SLC12A5: variants seen among roughly 807,000 people sequenced by gnomAD.
SLC12A5 encodes the protein solute carrier family 12 member 5.
SLC12A5 carries 18 observed loss-of-function variants against 124.0 expected under a neutral mutation model. The ratio of observed to expected loss-of-function variants is 0.15; its 90% CI spans 0.10 to 0.22. The LOEUF is 0.22. SLC12A5 is among the 10% of genes least tolerant of loss of function. SLC12A5 has a pLI of 1.00. For missense variants in SLC12A5, 867 were observed against 1,478.7 expected (o/e 0.59, Z 6.78); for synonymous variants, 589 against 568.0 (o/e 1.04, Z -0.53).
intron 15 of SLC12A5, 131 bp downstream of exon 15, chr20:46,047,704 G>A (rs2084608570): frequency 1.8e-5 from 22 of 1,202,922 alleles, no homozygotes; most frequent in Non-Finnish European, 2.6e-5. Context: ...GATGGGGCTG[G>A]AGTAGAGGGA....
upstream of SLC12A5, chr20:46,021,830 A>C (rs2084357360): frequency 3.9e-6 from 6 of 1,534,022 alleles, no homozygotes; most frequent in East Asian, 1.5e-4. Flanking sequence ...CCTGACCCAG[A>C]GTCCCGCCGG....
intron 20 of SLC12A5, among the ~76,000 whole-genome samples, chr20:46,054,206 G>A (rs752511596): frequency 6.6e-6 from 1 of 152,220 alleles, no homozygotes; most frequent in Non-Finnish European, 1.5e-5. Flanking sequence ...GAGTACTGTA[G>A]GCAATGGCAA....
rs939097565 is a variant in SLC12A5, at chr20:46,057,916, G to T, written c.*311G>T. 3.3e-6 allele frequency: 1 copy of T among 302,640 alleles called. No homozygotes were observed. Among genetic ancestry groups the T allele is most frequent in the Non-Finnish European group, 6.1e-6 (1 of 165,090 alleles). 18.7% of individuals were successfully genotyped at this position (302,640 alleles called of 1,614,324 possible). A position where few individuals can be genotyped will look rare whatever the true frequency, so the allele number is the denominator to read the frequency against. ...TTGGGAGAAGGCGCGGAAAGGAGAG[G>T]AGCTGGGGCCTTGGGGACCCCCAGG... On this transcript the variant is annotated 3_prime_UTR_variant, in exon 26 of 26. Coordinates refer to ENST00000243964, the MANE Select transcript of SLC12A5 (RefSeq NM_020708.5). This position sits in a 1 kb window ranked among gnomAD's most constrained non-coding sequence, Gnocchi z 7.1.
Position 46,045,996 on chromosome 20 carries a change from T to C in SLC12A5, c.1688T>C (p.Met563Thr), listed in dbSNP as rs1208355894. The change falls in exon 13 of 26, where the codon ATG (methionine) becomes ACG (threonine). Residue 563 changes from methionine (M) to threonine (T), a missense_variant and splice_region_variant. Transcript: ENST00000243964. The surrounding 1 kb of genome is among the most constrained non-coding windows in gnomAD (Gnocchi z 4.9). ...SLDEVAPILSMFFLMCYMFVN... is the reference protein window; with the variant it reads ...SLDEVAPILSTFFLMCYMFVN... ...GACGAGGTGGCCCCCATCCTCTCTATGTGCGTGCCTGACTTCTTGCCCTCC... is the reference window on the plus strand; with the variant it reads ...GACGAGGTGGCCCCCATCCTCTCTACGTGCGTGCCTGACTTCTTGCCCTCC... 6.2e-7 allele frequency: 1 copy of C among 1,613,428 alleles called. No homozygotes were observed. The highest frequency in any genetic ancestry group is 8.5e-7 in the Non-Finnish European group (1 of 1,179,356).
rs756245821 is a variant in SLC12A5 at position 46,056,315 on chromosome 20, G to A, written c.2910+43G>A. On this transcript the variant is annotated intron_variant, in intron 22 of 25. Transcript: ENST00000243964. This position sits in a 1 kb window ranked among gnomAD's most constrained non-coding sequence, Gnocchi z 4.3. ...TTTGGCCCCAACCAGTGGGAGCAGA[G>A]CCCTTGGCCTCCAAAGGACTCAACT... 14 of 1,612,288 alleles carry A rather than the reference G, an allele frequency of 8.7e-6. No individual in the cohort carries two copies. The highest frequency in any genetic ancestry group is 1.2e-5 in the Non-Finnish European group (14 of 1,178,918).
chr20:46,050,069 A>G (rs929307804), intron 17 of SLC12A5, among the ~76,000 whole-genome samples: 29 of 152,230 alleles, frequency 1.9e-4, no homozygotes, highest in African/African-American at 6.8e-4. Flanking sequence ...CAGAAAATGA[A>G]GATTCAAATT....
chr20:46,035,383 A>C (rs777248985), intron 2 of SLC12A5, 21 bp from the exon 3 acceptor site: 6 of 1,605,190 alleles, frequency 3.7e-6, no homozygotes, highest in Non-Finnish European at 5.1e-6. Flanking sequence ...GCCTCCTAGC[A>C]CTGACACCCT....
Position 46,057,341 on chromosome 20 carries a change from G to A in SLC12A5, c.3259+38G>A. ...TAAAATTGGGGGAAAGAGGGAGGTG[G>A]ACGTCAGGGAATCTGGGTCCTGTCC... is the stretch of plus-strand genomic sequence containing the variant. On this transcript the variant is annotated intron_variant, in intron 25 of 25. Transcript: ENST00000243964. The surrounding 1 kb of genome is among the most constrained non-coding windows in gnomAD (Gnocchi z 7.1). 6.2e-7 allele frequency: 1 copy of A among 1,613,260 alleles called. No homozygotes were observed. Among genetic ancestry groups the A allele is most frequent in the Non-Finnish European group, 8.5e-7 (1 of 1,179,216 alleles).
At position 46,041,524 on chromosome 20, in the gene SLC12A5, C is replaced by A. The variant is rs1568861790; in HGVS notation, c.1050C>A (p.Ala350=). 1.2e-6 allele frequency: 2 copies of A among 1,613,924 alleles called. No individual in the cohort carries two copies. Among genetic ancestry groups the A allele is most frequent in the Non-Finnish European group, 1.7e-6 (2 of 1,179,972 alleles). Residue 350 remains alanine (A), a synonymous_variant, in exon 8 of 26, where the codon GCC becomes GCA. Coordinates refer to ENST00000243964, the MANE Select transcript of SLC12A5 (RefSeq NM_020708.5). ...AGATCCAGGGCATCCCTGGTGCTGCCAGTGGCCTCATCAAAGGTCTGCGGA... is the reference window on the plus strand; with the variant it reads ...AGATCCAGGGCATCCCTGGTGCTGCAAGTGGCCTCATCAAAGGTCTGCGGA... ...VTEIQGIPGA[A]SGLIKENLWS... is the part of the protein sequence containing the mutation.
At position 46,056,294 on chromosome 20, in the gene SLC12A5, G is replaced by A; in HGVS notation, c.2910+22G>A. 4 of 1,613,854 alleles carry A rather than the reference G, an allele frequency of 2.5e-6. No homozygotes were observed. The highest frequency in any genetic ancestry group is 3.4e-6 in the Non-Finnish European group (4 of 1,179,824). ...GGAGGTGTGCAGCTTGGGTGGTTTG[G>A]CCCCAACCAGTGGGAGCAGAGCCCT... is the stretch of plus-strand genomic sequence containing the variant. On this transcript the variant is annotated intron_variant, in intron 22 of 25. Transcript: ENST00000243964. The surrounding 1 kb of genome is among the most constrained non-coding windows in gnomAD (Gnocchi z 4.3).
chr20:46,032,091 C>G (rs2084457114), intron 1 of SLC12A5, among the ~76,000 whole-genome samples: 1 of 152,256 alleles, frequency 6.6e-6, no homozygotes, highest in African/African-American at 2.4e-5. Flanking sequence ...CCCCTGCCCT[C>G]ATCTCCTGGC....
At chr20:46,026,192 C>T (rs1302524956), upstream of SLC12A5, among the ~76,000 whole-genome samples, 4 of 152,186 alleles carry the variant, frequency 2.6e-5, no homozygotes, top group Non-Finnish European at 2.9e-5. Context: ...AATCCTGACA[C>T]TCAGGAGGCA....
At chr20:46,024,957 G>A (rs2084385037), upstream of SLC12A5, among the ~76,000 whole-genome samples, 1 of 152,220 alleles carries the variant, frequency 6.6e-6, no homozygotes, top group South Asian at 2.1e-4. Flanking sequence ...GGACTAACAG[G>A]AGTTGGGATG....
At chr20:46,025,905 A>G (rs751307259), upstream of SLC12A5, among the ~76,000 whole-genome samples, 1 of 152,038 alleles carries the variant, frequency 6.6e-6, no homozygotes, top group Non-Finnish European at 1.5e-5. Flanking sequence ...AATGCAGTGG[A>G]GATGCGGAGG....
intron 18 of SLC12A5, 133 bp from the exon 19 acceptor site, chr20:46,052,824 A>G (rs1210120870): frequency 2.2e-6 from 2 of 929,944 alleles, no homozygotes; most frequent in Non-Finnish European, 3.2e-6. Flanking sequence ...TTTTCTGACC[A>G]CTCAGCCCAT....
In SLC12A5 at chr20:46,053,549, C is replaced by A. The variant is rs1198932792; in HGVS notation, c.2548-29C>A. ...ATCTCCTCATCACATCTGGGCTGGACCTTTCTGAATCCCCTTCATCGCCTG... is the reference window on the plus strand; with the variant it reads ...ATCTCCTCATCACATCTGGGCTGGAACTTTCTGAATCCCCTTCATCGCCTG... On this transcript the variant is annotated intron_variant, in intron 19 of 25. Coordinates refer to ENST00000243964, the MANE Select transcript of SLC12A5 (RefSeq NM_020708.5). The surrounding 1 kb of genome is among the most constrained non-coding windows in gnomAD (Gnocchi z 4.7). The A allele has an allele frequency of 6.2e-7, 1 of 1,612,212 alleles. No individual in the cohort carries two copies. Among genetic ancestry groups the A allele is most frequent in the South Asian group, 1.1e-5 (1 of 91,058 alleles).
chr20:46,032,939 G>A (rs913000489), intron 1 of SLC12A5, among the ~76,000 whole-genome samples: 4 of 152,326 alleles, frequency 2.6e-5, no homozygotes, highest in Non-Finnish European at 1.5e-5. Context: ...CACCTATTAT[G>A]TGCTGGGAGG....
rs1023400685 is a variant in SLC12A5, at chr20:46,059,936, T to C, written c.*2331T>C. 3 of 288,948 alleles carry C rather than the reference T, an allele frequency of 1.0e-5. No homozygotes were observed. Among genetic ancestry groups the C allele is most frequent in the African/African-American group, 6.5e-5 (3 of 46,266 alleles). 17.9% of individuals were successfully genotyped at this position (288,948 alleles called of 1,614,324 possible). On this transcript the variant is annotated 3_prime_UTR_variant, in exon 26 of 26. Transcript: ENST00000243964. ...TTTATTACTATTACTGCTATTATTA[T>C]TAGGCCTGCCTTTAATTTTCAGTGT...
intron 6 of SLC12A5, among the ~76,000 whole-genome samples, chr20:46,039,434 G>A (rs2084525921): frequency 6.6e-6 from 1 of 152,144 alleles, no homozygotes; most frequent in South Asian, 2.1e-4. Flanking sequence ...ACCTGATTGT[G>A]TTCACCTAAT....
Sources: gnomAD v4.1 joint callset for allele counts (sites outside exome capture counted in the v4.1 genomes callset) on GRCh38, gnomAD v4.1.1 for gene constraint, Gnocchi (gnomAD v3.1) non-coding constraint, MANE v1.5 for transcripts, NCBI Gene and HGNC (gene_info 2026-07-23, HGNC 2026-07-21) for gene names.